The following AKR1C1 variants were observed in gnomAD, a reference collection of about 807,000 sequenced individuals.
AKR1C1 encodes aldo-keto reductase family 1 member C1.
Under a neutral mutation model 40.6 loss-of-function variants are expected in AKR1C1, and 32 were observed. The ratio of observed to expected loss-of-function variants is 0.79; its 90% CI spans 0.60 to 1.06. The LOEUF (loss-of-function observed/expected upper bound fraction) is 1.06, where lower values mean the gene tolerates loss of function less well. AKR1C1 is among the 50% of genes least tolerant of loss of function. The pLI, the probability that AKR1C1 is intolerant of heterozygous loss-of-function variation, is 0.00. For missense variants in AKR1C1, 320 were observed against 363.5 expected, an observed-to-expected ratio of 0.88 and a Z score of 0.97; for synonymous variants, 105 against 134.2, an observed-to-expected ratio of 0.78 and a Z score of 1.50.
rs1416946001 is a variant in AKR1C1, at chr10:4,977,961, C to T, written c.*219C>T. 4 of 624,950 alleles carry T rather than the reference C, an allele frequency of 6.4e-6. No homozygotes were observed. Among genetic ancestry groups the T allele is most frequent in the Admixed American group, 3.7e-5 (1 of 27,062 alleles). 38.7% of individuals were successfully genotyped at this position (624,950 alleles called of 1,614,324 possible). On this transcript the variant is annotated 3_prime_UTR_variant, in exon 9 of 9. Coordinates refer to ENST00000380872, the MANE Select transcript of AKR1C1 (RefSeq NM_001353.6). ...TAAATGCTCTCTCCTAAAGATTCTT[C>T]ACCTACTTTGGTCTCCATAACTTCT...
intron 8 of AKR1C1, among the ~76,000 whole-genome samples, chr10:4,976,759 A>T (rs1182582393): frequency 1.3e-5 from 2 of 152,222 alleles, no homozygotes; most frequent in African/African-American, 2.4e-5. Flanking sequence ...TAGGGATTTC[A>T]ACAAGTAATA....
intron 2 of AKR1C1, among the ~76,000 whole-genome samples, chr10:4,966,335 T>C (rs1322055120): frequency 6.6e-6 from 1 of 152,242 alleles, no homozygotes; most frequent in Admixed American, 6.5e-5. Context: ...TGGTTTAACA[T>C]AGACTATAGA....
rs536212464 is a variant in AKR1C1, at chr10:4,967,090, T to A, written c.369+47T>A. ...ATTAATTTCACTTTTGTTCTCAGCATAAATATTGTTTTTATGGATATTTGA... is the reference window on the plus strand; with the variant it reads ...ATTAATTTCACTTTTGTTCTCAGCAAAAATATTGTTTTTATGGATATTTGA... On this transcript the variant is annotated intron_variant, in intron 3 of 8. Coordinates refer to ENST00000380872, the MANE Select transcript of AKR1C1 (RefSeq NM_001353.6). The A allele has an allele frequency of 5.1e-6, 8 of 1,561,308 alleles. No homozygotes were observed. The South Asian group carries it at 7.8e-5, about 15-fold the overall frequency.
intron 1 of AKR1C1, among the ~76,000 whole-genome samples, chr10:4,964,526 A>C (rs1836298991): frequency 1.3e-5 from 2 of 152,176 alleles, no homozygotes; most frequent in South Asian, 4.1e-4. Context: ...GTTCCTTGTA[A>C]TTCTATGGGA....
In AKR1C1 at chr10:4,979,434, A is replaced by T. The variant is rs1364176564; in HGVS notation, c.*1692A>T. ...ACTTAGCATGTCTCAAAGAAATCTC[A>T]TGTAAACCATGGCCATCCTGTTCTA... On this transcript the variant is annotated 3_prime_UTR_variant, in exon 9 of 9. Transcript: ENST00000380872. The T allele has an allele frequency of 4.6e-5, 7 of 152,140 alleles. No individual in the cohort carries two copies. Among genetic ancestry groups the T allele is most frequent in the Non-Finnish European group, 1.0e-4 (7 of 68,022 alleles). 9.4% of individuals were successfully genotyped at this position (152,140 alleles called of 1,614,324 possible).
Position 4,982,780 on chromosome 10 carries a change from C to T in AKR1C1, c.*5038C>T. On this transcript the variant is annotated 3_prime_UTR_variant, in exon 9 of 9. Coordinates refer to ENST00000380872, the MANE Select transcript of AKR1C1 (RefSeq NM_001353.6). Reference sequence around the variant, plus strand: ...GTGCCACCTCCTAGCTGGAGACCAACCAGCACAGTCCACACAGCACCTCAA... The same window carrying T: ...GTGCCACCTCCTAGCTGGAGACCAATCAGCACAGTCCACACAGCACCTCAA... 3.2e-6 allele frequency: 1 copy of T among 313,594 alleles called. No homozygotes were observed. The highest frequency in any genetic ancestry group is 2.7e-5 in the South Asian group (1 of 37,692). The allele number at this position is 313,594 out of a possible 1,614,324, so 19.4% of individuals were successfully genotyped here.
chr10:4,975,847 A>C lies in AKR1C1; in HGVS notation c.847-4A>C. Reference sequence around the variant, plus strand: ...ATAATTAAAGTTTTCTATTACTTTGATAGGTGTTTGAATTCCAGTTGACTT... The same window carrying C: ...ATAATTAAAGTTTTCTATTACTTTGCTAGGTGTTTGAATTCCAGTTGACTT... On this transcript the variant is annotated splice_polypyrimidine_tract_variant and splice_region_variant and intron_variant, in intron 7 of 8. Transcript: ENST00000380872. The C allele has an allele frequency of 1.9e-6, 1 of 519,654 alleles. No homozygotes were observed. Among genetic ancestry groups the C allele is most frequent in the East Asian group, 3.1e-5 (1 of 32,300 alleles). 32.2% of individuals were successfully genotyped at this position (519,654 alleles called of 1,614,324 possible). A position where few individuals can be genotyped will look rare whatever the true frequency, so the allele number is the denominator to read the frequency against.
At chr10:4,977,099 A>C (rs1355727362) in intron 8 of AKR1C1, among the ~76,000 whole-genome samples, 2 of 152,220 alleles carry the variant, frequency 1.3e-5, no homozygotes, top group Non-Finnish European at 2.9e-5. Context: ...GTAATTGTAC[A>C]TGTGAGCAGT....
Position 4,972,362 on chromosome 10 carries a change from T to A in AKR1C1, c.680+52T>A, listed in dbSNP as rs782462143. 34 of 1,436,178 alleles carry A rather than the reference T, an allele frequency of 2.4e-5. No individual in the cohort carries two copies. In the South Asian group the frequency reaches 3.1e-4, roughly 13 times the overall value. The allele number at this position is 1,436,178 out of a possible 1,614,324, so 89.0% of individuals were successfully genotyped here. A position where few individuals can be genotyped will look rare whatever the true frequency, so the allele number is the denominator to read the frequency against. On this transcript the variant is annotated intron_variant, in intron 6 of 8. Coordinates refer to ENST00000380872, the MANE Select transcript of AKR1C1 (RefSeq NM_001353.6). Reference sequence around the variant, plus strand: ...TAAAACACCGGTTTGATAAAAAAAATTTAATCAGATCATGCTGTTTCCTGG... The same window carrying A: ...TAAAACACCGGTTTGATAAAAAAAAATTAATCAGATCATGCTGTTTCCTGG...
chr10:4,982,975 C>T lies in AKR1C1; in HGVS notation c.*5233C>T. The T allele has an allele frequency of 4.5e-6, 2 of 448,714 alleles. No homozygotes were observed. Among genetic ancestry groups the T allele is most frequent in the East Asian group, 7.1e-5 (1 of 14,130 alleles). 27.8% of individuals were successfully genotyped at this position (448,714 alleles called of 1,614,324 possible). On this transcript the variant is annotated 3_prime_UTR_variant, in exon 9 of 9. Transcript: ENST00000380872. Reference sequence around the variant, plus strand: ...AAAGCCAGCACACTAAGCCTATCTACAGCCAGGGAGTCTCAGAGTCTACGT... The same window carrying T: ...AAAGCCAGCACACTAAGCCTATCTATAGCCAGGGAGTCTCAGAGTCTACGT...
chr10:4,966,177 G>T (rs756411955), intron 2 of AKR1C1, 96 bp downstream of exon 2: 9 of 1,505,466 alleles, frequency 6.0e-6, no homozygotes, highest in Admixed American at 4.5e-5. Flanking sequence ...AGGGTGAATT[G>T]TGCTTATTTA....
At chr10:4,971,097 C>A (rs1257724576) in intron 5 of AKR1C1, among the ~76,000 whole-genome samples, 1 of 151,924 alleles carries the variant, frequency 6.6e-6, no homozygotes, top group African/African-American at 2.4e-5. Flanking sequence ...GACAAATTTT[C>A]ACATATGATT....
chr10:4,963,466 G>T lies in AKR1C1; in HGVS notation c.22G>T (p.Val8Leu), dbSNP rs752938448. 6.2e-7 allele frequency: 1 copy of T among 1,613,996 alleles called. No individual in the cohort carries two copies. The highest frequency in any genetic ancestry group is 2.2e-5 in the East Asian group (1 of 44,886). The stretch of plus-strand genomic sequence containing the variant: ...AGAAATGGATTCGAAATATCAGTGT[G>T]TGAAGCTGAATGATGGTCACTTCAT... MDSKYQC[V>L]KLNDGHFMPV... Residue 8 changes from valine (V) to leucine (L), a missense_variant, in exon 1 of 9, where the codon GTG (valine) becomes TTG (leucine). Physicochemically the swap from Val to Leu is conservative, Grantham distance 32. This residue lies in a region of AKR1C1 where 214 missense variants were observed against 214.8 expected (regional missense o/e 1.00). Coordinates refer to ENST00000380872, the MANE Select transcript of AKR1C1 (RefSeq NM_001353.6).
chr10:4,972,656 C>T lies in AKR1C1; in HGVS notation c.753C>T (p.Thr251=). 3.1e-6 allele frequency: 5 copies of T among 1,613,174 alleles called. No homozygotes were observed. The highest frequency in any genetic ancestry group is 4.2e-6 in the Non-Finnish European group (5 of 1,180,040). Residue 251 remains threonine (T), a synonymous_variant, in exon 7 of 9, where the codon ACC becomes ACT. Transcript: ENST00000380872. ...LCALAKKHKR[T]PALIALRYQL... is the part of the protein sequence containing the mutation. ...CCTTGGCAAAAAAGCACAAGCGAAC[C>T]CCAGCCCTGATTGCCCTGCGCTACC...
chr10:4,974,978 G>A (rs1161811269), intron 7 of AKR1C1, among the ~76,000 whole-genome samples: 1 of 152,024 alleles, frequency 6.6e-6, no homozygotes, highest in Non-Finnish European at 1.5e-5. Context: ...CCAGATCAAT[G>A]TGGAGAGAAC....
chr10:4,975,211 G>A (rs1208898089), intron 7 of AKR1C1, among the ~76,000 whole-genome samples: 9 of 151,976 alleles, frequency 5.9e-5, no homozygotes, highest in East Asian at 1.9e-4. Flanking sequence ...TTCATCAAGT[G>A]TTACATTGCT....
At position 4,968,883 on chromosome 10, in the gene AKR1C1, G is replaced by A. The variant is rs139588200; in HGVS notation, c.509G>A (p.Arg170His). The A allele has an allele frequency of 7.8e-3, 12,634 of 1,614,070 alleles. 109 individuals carry two copies. The highest frequency in any genetic ancestry group is 7.9e-3 in the Non-Finnish European group (9,331 of 1,179,994). The change falls in exon 5 of 9, where the codon CGC becomes CAC. Residue 170 changes from arginine (R) to histidine (H), a missense_variant. Physicochemically the swap from Arg to His is conservative, Grantham distance 29. This residue lies in a region of AKR1C1 where 214 missense variants were observed against 214.8 expected (regional missense o/e 1.00). Coordinates refer to ENST00000380872, the MANE Select transcript of AKR1C1 (RefSeq NM_001353.6). ...TCCATCGGGGTGTCCAACTTCAACC[G>A]CAGGCAGCTGGAGATGATCCTCAAC... ...AKSIGVSNFN[R>H]RQLEMILNKP...
Position 4,981,783 on chromosome 10 carries a change from G to T in AKR1C1, c.*4041G>T, listed in dbSNP as rs1411294365. The T allele has an allele frequency of 2.6e-5, 4 of 152,318 alleles. 1 individual carries two copies. The highest frequency in any genetic ancestry group is 9.6e-5 in the African/African-American group (4 of 41,572). 9.4% of individuals were successfully genotyped at this position (152,318 alleles called of 1,614,324 possible). On this transcript the variant is annotated 3_prime_UTR_variant, in exon 9 of 9. Coordinates refer to ENST00000380872, the MANE Select transcript of AKR1C1 (RefSeq NM_001353.6). The stretch of plus-strand genomic sequence containing the variant: ...AGTGCCTTGAGCAGAATCCACAGGG[G>T]AGAGCTGGAAGTGCATGGCAGATAT...
At position 4,965,879 on chromosome 10, in the gene AKR1C1, T is replaced by C. The variant is rs117982876; in HGVS notation, c.85-35T>C. On this transcript the variant is annotated intron_variant, in intron 1 of 8. Transcript: ENST00000380872. Reference sequence around the variant, plus strand: ...TGCCTGAACTAACTCTCAGGCACATTAGTCAGAAAATACTACCTATGGTTA... The same window carrying C: ...TGCCTGAACTAACTCTCAGGCACATCAGTCAGAAAATACTACCTATGGTTA... 2.6e-3 allele frequency: 4,097 copies of C among 1,591,664 alleles called. 82 individuals are homozygous for C. In the East Asian group the frequency reaches 0.05, roughly 20 times the overall value.
Sources: allele counts gnomAD v4.1 joint callset (sites outside exome capture counted in the v4.1 genomes callset), GRCh38; gene constraint gnomAD v4.1.1; regional missense constraint gnomAD v4.1.1; transcripts MANE v1.5; gene names NCBI Gene and HGNC (gene_info 2026-07-23, HGNC 2026-07-21).